FAF1: variants seen among roughly 807,000 people sequenced by gnomAD.
FAF1 encodes the protein FAS-associated factor 1.
Under a neutral mutation model 92.5 loss-of-function variants are expected in FAF1, and 25 were observed. The observed-to-expected ratio is 0.27, with a 90% confidence interval of 0.20 to 0.38. FAF1 has a LOEUF of 0.38. Among genes scored for constraint, FAF1 ranks in the 10% least tolerant of loss-of-function variants. FAF1 has a pLI of 1.00. For missense variants in FAF1, 636 were observed against 793.3 expected (o/e 0.80, Z 2.38); for synonymous variants, 234 against 273.2 (o/e 0.86, Z 1.42).
At chr1:50,496,577 A>C (rs1208961548) in intron 15 of FAF1, among the ~76,000 whole-genome samples, 3 of 152,172 alleles carry the variant, frequency 2.0e-5, no homozygotes, top group African/African-American at 7.2e-5. Flanking sequence ...TTTGGACTTA[A>C]GCAAGGTGAG....
intron 4 of FAF1, among the ~76,000 whole-genome samples, chr1:50,747,315 T>C (rs1286018834): frequency 6.6e-6 from 1 of 152,170 alleles, no homozygotes; most frequent in Non-Finnish European, 1.5e-5. Context: ...TGCCCAAGGC[T>C]TTGGGAGCCC....
At chr1:50,617,236 TC>T (rs1652956970) in intron 8 of FAF1, among the ~76,000 whole-genome samples, 1 of 152,188 alleles carries the variant, frequency 6.6e-6, no homozygotes, top group African/African-American at 2.4e-5. Flanking sequence ...AGGGAAATGG[TC>T]CCAGCTTTTG....
At position 50,650,209 on chromosome 1, in the gene FAF1, G is replaced by A. The variant is rs138633700; in HGVS notation, c.744+5233C>T. ...TGAGGCAGGAGAATCGTTTGAATCC[G>A]GAAAGCAGAGGCTGCGGTGAGCCGG... On this transcript the variant is annotated intron_variant, in intron 8 of 18. Coordinates refer to ENST00000396153, the MANE Select transcript of FAF1 (RefSeq NM_007051.3). Among the ~76,000 whole-genome samples the A allele has an allele frequency of 7.4e-3, 1,112 of 150,886 alleles. 3 individuals carry two copies. The highest frequency in any genetic ancestry group is 0.021 in the Middle Eastern group (6 of 292).
chr1:50,759,388 G>A (rs555236779), intron 4 of FAF1, among the ~76,000 whole-genome samples: 1 of 146,518 alleles, frequency 6.8e-6, no homozygotes, highest in Admixed American at 7.2e-5. Flanking sequence ...ACCTATGAGT[G>A]AGAATATGCA....
chr1:50,578,181 C>T (rs900245325), intron 12 of FAF1, among the ~76,000 whole-genome samples: 2 of 152,056 alleles, frequency 1.3e-5, no homozygotes, highest in African/African-American at 4.8e-5. Flanking sequence ...TTTATTTACT[C>T]TTGGAACTCA....
At chr1:50,889,012 T>G (rs941175898) in intron 1 of FAF1, among the ~76,000 whole-genome samples, 5 of 152,210 alleles carry the variant, frequency 3.3e-5, no homozygotes, top group African/African-American at 1.2e-4. Context: ...TTTTGGTTGG[T>G]AAGCTATTAA....
intron 8 of FAF1, among the ~76,000 whole-genome samples, chr1:50,599,018 C>G (rs1350280258): frequency 6.6e-6 from 1 of 152,118 alleles, no homozygotes; most frequent in Non-Finnish European, 1.5e-5. Context: ...GTACTACAGG[C>G]ACAGGGTTCT....
intron 1 of FAF1, among the ~76,000 whole-genome samples, chr1:50,864,924 T>G (rs1456779848): frequency 6.6e-6 from 1 of 150,984 alleles, no homozygotes; most frequent in African/African-American, 2.4e-5. Context: ...TGGGAGAAAA[T>G]TTTCACAACC....
chr1:50,629,926 C>T (rs1266012086), intron 8 of FAF1, among the ~76,000 whole-genome samples: 1 of 151,908 alleles, frequency 6.6e-6, no homozygotes, highest in Admixed American at 6.6e-5. Flanking sequence ...GGCATAGTGG[C>T]ACATGCCTGT....
chr1:50,633,216 T>A (rs1033072512), intron 8 of FAF1, among the ~76,000 whole-genome samples: 2 of 152,230 alleles, frequency 1.3e-5, no homozygotes, highest in Non-Finnish European at 2.9e-5. Flanking sequence ...ATTTACTTAT[T>A]AAACAAGTGG....
At chr1:50,862,351 A>G (rs1275780569) in intron 1 of FAF1, among the ~76,000 whole-genome samples, 1 of 151,936 alleles carries the variant, frequency 6.6e-6, no homozygotes, top group African/African-American at 2.4e-5. Flanking sequence ...AAAAGCTAAA[A>G]GAAATCAGAG....
chr1:50,558,747 T>C (rs929491494), intron 13 of FAF1, among the ~76,000 whole-genome samples: 2 of 152,226 alleles, frequency 1.3e-5, no homozygotes, highest in African/African-American at 4.8e-5. Flanking sequence ...CTGAGTTAAA[T>C]GCATATTTCC....
chr1:50,834,168 T>C (rs953439815), intron 2 of FAF1, among the ~76,000 whole-genome samples: 4 of 152,228 alleles, frequency 2.6e-5, no homozygotes, highest in African/African-American at 7.2e-5. Flanking sequence ...GCGCCAGCCA[T>C]GTAGGACGTG....
At chr1:50,934,687 G>A (rs1645072928) in intron 1 of FAF1, among the ~76,000 whole-genome samples, 1 of 152,194 alleles carries the variant, frequency 6.6e-6, no homozygotes. Context: ...TCACACCACT[G>A]CACTCCAGCC....
intron 4 of FAF1, among the ~76,000 whole-genome samples, chr1:50,782,431 A>T (rs1661211381): frequency 6.6e-6 from 1 of 152,158 alleles, no homozygotes; most frequent in South Asian, 2.1e-4. Flanking sequence ...AATAATAATT[A>T]AAAAATTTCA....
intron 7 of FAF1, among the ~76,000 whole-genome samples, chr1:50,702,630 G>T (rs1373341795): frequency 2.0e-5 from 3 of 151,986 alleles, no homozygotes; most frequent in Non-Finnish European, 4.4e-5. Flanking sequence ...TTTGTACAGA[G>T]TTTTAAAAAA....
chr1:50,469,066 G>A (rs751230193), intron 18 of FAF1, among the ~76,000 whole-genome samples: 8 of 152,152 alleles, frequency 5.3e-5, no homozygotes, highest in Non-Finnish European at 1.0e-4. Context: ...AGCAGCAGCT[G>A]TATTATTCTT....
At position 50,475,584 on chromosome 1, in the gene FAF1, G is replaced by GGACC. The variant is rs778569932; in HGVS notation, c.1748_1749insGGTC (p.Glu584ValfsTer19). Reference sequence around the variant, plus strand: ...CCAGGAAACGCCGCTCCAAGAACTCGCCACTGGGGGTCCGGATCCGCAGTT... The same window carrying GGACC: ...CCAGGAAACGCCGCTCCAAGAACTCGGACCCCACTGGGGGTCCGGATCCGCAGTT... On this transcript the variant is annotated frameshift_variant, in exon 18 of 19. Transcript: ENST00000396153. LOFTEE classifies it high-confidence loss of function. 6.2e-7 allele frequency: 1 copy of GGACC among 1,614,032 alleles called. No individual in the cohort carries two copies.
At chr1:50,776,531 TA>T (rs996246232) in intron 4 of FAF1, among the ~76,000 whole-genome samples, 1 of 152,162 alleles carries the variant, frequency 6.6e-6, no homozygotes, top group Non-Finnish European at 1.5e-5. Flanking sequence ...GGATTTTTTT[TA>T]GTTGAAAAAA....
Sources: allele counts gnomAD v4.1 joint callset (sites outside exome capture counted in the v4.1 genomes callset), GRCh38; gene constraint gnomAD v4.1.1; transcripts MANE v1.5; gene names NCBI Gene and HGNC (gene_info 2026-07-23, HGNC 2026-07-21).